The following UXS1 variants were observed in gnomAD, a reference collection of about 807,000 sequenced individuals.
UXS1 encodes UDP-glucuronate decarboxylase 1.
UXS1 carries 33 observed loss-of-function variants against 62.6 expected under a neutral mutation model. The ratio of observed to expected loss-of-function variants is 0.53; its 90% confidence interval spans 0.40 to 0.70. UXS1 has a LOEUF of 0.70. UXS1 is among the 30% of genes least tolerant of loss of function. The probability of loss-of-function intolerance (pLI) is 0.00; values close to 1 mark genes in which losing one functional copy is unlikely to be tolerated. For synonymous variants in UXS1, 213 were observed against 206.8 expected, an observed-to-expected ratio of 1.03 and a Z score of -0.26; for missense variants, 434 against 556.3, an observed-to-expected ratio of 0.78 and a Z score of 2.21.
intron 14 of UXS1, among the ~76,000 whole-genome samples, chr2:106,096,355 TTGTA>T (rs1376695768): frequency 6.6e-5 from 10 of 151,942 alleles, no homozygotes; most frequent in Admixed American, 3.3e-4. Flanking sequence ...TTAAGTGTGT[TTGTA>T]TGACAGTGTA....
At chr2:106,110,131 C>G (rs950707527) in intron 10 of UXS1, among the ~76,000 whole-genome samples, 4 of 152,178 alleles carry the variant, frequency 2.6e-5, no homozygotes, top group Admixed American at 6.5e-5. Context: ...AAATAGAATT[C>G]TGTGTGACAA....
At position 106,094,076 on chromosome 2, in the gene UXS1, G is replaced by T; in HGVS notation, c.1228C>A (p.Pro410Thr). ...TTTATTCTGGCAGGCTTTGGTTTGG[G>T]GATGTACTGATTATTTGCCTGGTAC... Reference protein sequence around the residue: ...LEYQANNQYIPKPKPARIKKG... With the variant: ...LEYQANNQYITKPKPARIKKG... The change falls in exon 15 of 15, where the codon CCC becomes ACC. Residue 410 changes from proline to threonine, a missense_variant. Around this residue, in one of 3 missense-constraint regions of UXS1, gnomAD observed 209 missense variants for 233.3 expected, o/e 0.90. Transcript: ENST00000283148. 6.2e-7 allele frequency: 1 copy of T among 1,613,554 alleles called. No individual in the cohort carries two copies. Among genetic ancestry groups the T allele is most frequent in the Non-Finnish European group, 8.5e-7 (1 of 1,179,814 alleles).
intron 6 of UXS1, among the ~76,000 whole-genome samples, chr2:106,137,864 G>A (rs1680786440): frequency 2.0e-5 from 3 of 151,974 alleles, no homozygotes; most frequent in Admixed American, 2.0e-4. Flanking sequence ...GACCTTCAGA[G>A]CCGAGTACGA....
intron 4 of UXS1, among the ~76,000 whole-genome samples, chr2:106,162,470 G>A (rs1347245375): frequency 2.0e-5 from 3 of 151,974 alleles, no homozygotes; most frequent in Non-Finnish European, 4.4e-5. Flanking sequence ...ATAATCACTG[G>A]TGGACAAGTT....
intron 5 of UXS1, among the ~76,000 whole-genome samples, chr2:106,148,784 A>G (rs564192866): frequency 2.0e-5 from 3 of 152,356 alleles, no homozygotes; most frequent in East Asian, 3.9e-4. Flanking sequence ...CAGGAACACT[A>G]ATCACCAAAC....
intron 5 of UXS1, among the ~76,000 whole-genome samples, chr2:106,149,090 C>T (rs939376772): frequency 6.6e-5 from 10 of 152,072 alleles, no homozygotes; most frequent in African/African-American, 2.4e-4. Context: ...TAAGGCTTAC[C>T]AATTTACTGA....
chr2:106,190,104 G>T (rs1163605083), intron 1 of UXS1, among the ~76,000 whole-genome samples: 1 of 152,186 alleles, frequency 6.6e-6, no homozygotes, highest in African/African-American at 2.4e-5. Context: ...GGGAAGACGC[G>T]ACAGACAACT....
chr2:106,109,176 T>TC (rs572303136), intron 10 of UXS1, among the ~76,000 whole-genome samples: 9 of 151,376 alleles, frequency 5.9e-5, no homozygotes, highest in East Asian at 1.9e-4. Flanking sequence ...TCCCAGTCTT[T>TC]CCCCCCCGAA....
At chr2:106,096,425 TTGTA>T (rs575576037) in intron 14 of UXS1, among the ~76,000 whole-genome samples, 1 of 152,142 alleles carries the variant, frequency 6.6e-6, no homozygotes, top group Non-Finnish European at 1.5e-5. Flanking sequence ...GTACAAGTGT[TTGTA>T]TGGCAGTGTA....
intron 1 of UXS1, among the ~76,000 whole-genome samples, chr2:106,179,000 C>T (rs1451794246): frequency 3.9e-5 from 6 of 152,266 alleles, no homozygotes; most frequent in African/African-American, 7.2e-5. Context: ...GTGGGCTGGA[C>T]GGGGCACAGC....
At chr2:106,167,232 G>A (rs1167136971) in intron 1 of UXS1, among the ~76,000 whole-genome samples, 1 of 152,100 alleles carries the variant, frequency 6.6e-6, no homozygotes, top group African/African-American at 2.4e-5. Flanking sequence ...CTGAGCATAG[G>A]CGGTCCTAAT....
At chr2:106,186,444 A>T (rs1684556494) in intron 1 of UXS1, among the ~76,000 whole-genome samples, 1 of 141,194 alleles carries the variant, frequency 7.1e-6, no homozygotes, top group Non-Finnish European at 1.6e-5. Context: ...CTGGGCTTTT[A>T]TATATATATA....
chr2:106,093,534 C>G lies in UXS1; in HGVS notation c.*492G>C, dbSNP rs1676831039. 6.5e-6 allele frequency: 1 copy of G among 152,876 alleles called. No individual in the cohort carries two copies. The highest frequency in any genetic ancestry group is 3.4e-3 in the Middle Eastern group (1 of 296). The allele number at this position is 152,876 out of a possible 1,614,324, so 9.5% of individuals were successfully genotyped here. On this transcript the variant is annotated 3_prime_UTR_variant, in exon 15 of 15. Transcript: ENST00000283148. ...TGAATTAAAAGAGAAACATAAAGCTCTCACACAGAATTCTTTTATCTGCCC... is the reference window on the plus strand; with the variant it reads ...TGAATTAAAAGAGAAACATAAAGCTGTCACACAGAATTCTTTTATCTGCCC...
At chr2:106,157,240 T>C (rs996004860) in intron 5 of UXS1, among the ~76,000 whole-genome samples, 1 of 150,478 alleles carries the variant, frequency 6.6e-6, no homozygotes, top group African/African-American at 2.5e-5. Context: ...GTGAACTGTA[T>C]GGTATGTGAA....
intron 3 of UXS1, among the ~76,000 whole-genome samples, chr2:106,164,354 G>C (rs1159916418): frequency 5.3e-5 from 8 of 152,242 alleles, no homozygotes; most frequent in Non-Finnish European, 1.0e-4. Flanking sequence ...GGTGTGCAAC[G>C]TCTCCATCTG....
At chr2:106,164,708 T>C (rs975437911) in intron 3 of UXS1, 28 bp downstream of exon 3, 3 of 1,494,092 alleles carry the variant, frequency 2.0e-6, no homozygotes, top group South Asian at 1.2e-5. Context: ...ACAGATGAAA[T>C]AGATACAAAA....
chr2:106,097,345 C>T, intron 13 of UXS1: 2 of 395,406 alleles, frequency 5.1e-6, no homozygotes, highest in Non-Finnish European at 1.0e-5. Flanking sequence ...GTTCCACATC[C>T]TTGCTGGGCC....
At position 106,093,713 on chromosome 2, in the gene UXS1, C is replaced by A; in HGVS notation, c.*313G>T. ...TTCCTTTTCAGCTTCACAAAGAAAC[C>A]AGTAAATAAAACTGTCAACGACAGT... On this transcript the variant is annotated 3_prime_UTR_variant, in exon 15 of 15. Transcript: ENST00000283148. 1 of 244,216 alleles carries A rather than the reference C, an allele frequency of 4.1e-6. No homozygotes were observed. The highest frequency in any genetic ancestry group is 7.7e-6 in the Non-Finnish European group (1 of 129,156). The allele number at this position is 244,216 out of a possible 1,614,324, so 15.1% of individuals were successfully genotyped here. A position where few individuals can be genotyped will look rare whatever the true frequency, so the allele number is the denominator to read the frequency against.
chr2:106,149,189 GA>G (rs993345968), intron 5 of UXS1, among the ~76,000 whole-genome samples: 5 of 148,308 alleles, frequency 3.4e-5, no homozygotes, highest in East Asian at 2.0e-4. Context: ...CAGATGAGGG[GA>G]AAAAAAAAAC....
Sources: gnomAD v4.1 joint callset for allele counts (sites outside exome capture counted in the v4.1 genomes callset) on GRCh38, gnomAD v4.1.1 for gene constraint, gnomAD v4.1.1 regional missense constraint, MANE v1.5 for transcripts, NCBI Gene and HGNC (gene_info 2026-07-23, HGNC 2026-07-21) for gene names.